CNTN5: variants seen among roughly 807,000 people sequenced by gnomAD.
CNTN5 encodes contactin 5, also known as contactin-5.
In CNTN5, 77 loss-of-function variants were observed where a neutral mutation model predicts 129.1. The ratio of observed to expected loss-of-function variants is 0.60; its 90% CI spans 0.50 to 0.72. The LOEUF (loss-of-function observed/expected upper bound fraction) is 0.72. Among genes scored for constraint, CNTN5 ranks in the 30% least tolerant of loss-of-function variants. The probability of loss-of-function intolerance (pLI) is 0.00; values close to 1 mark genes in which losing one functional copy is unlikely to be tolerated. For synonymous variants in CNTN5, 509 were observed against 465.6 expected (o/e 1.09, Z -1.20); for missense variants, 1,478 against 1,328.8 (o/e 1.11, Z -1.75).
chr11:99,314,980 G>C (rs1865280458), intron 1 of CNTN5, among the ~76,000 whole-genome samples: 1 of 149,028 alleles, frequency 6.7e-6, no homozygotes, highest in Non-Finnish European at 1.5e-5. Context: ...TTGACATTCT[G>C]TGTTTTTAAC....
chr11:99,629,656 A>G (rs1951265586), intron 3 of CNTN5, among the ~76,000 whole-genome samples: 1 of 129,562 alleles, frequency 7.7e-6, no homozygotes, highest in South Asian at 2.5e-4. Flanking sequence ...TGTACATATA[A>G]TTTTAAAAAA....
At chr11:99,817,774 T>G (rs1370300881) in intron 3 of CNTN5, among the ~76,000 whole-genome samples, 1 of 152,112 alleles carries the variant, frequency 6.6e-6, no homozygotes, top group Non-Finnish European at 1.5e-5. Flanking sequence ...AACTTGCATT[T>G]AATTCCATGT....
intron 7 of CNTN5, among the ~76,000 whole-genome samples, chr11:99,942,862 C>T (rs1950470696): frequency 1.3e-5 from 2 of 151,830 alleles, no homozygotes; most frequent in African/African-American, 4.8e-5. Context: ...TGAACTCATT[C>T]TTTTTTATGG....
At chr11:100,250,621 A>G (rs1267784764) in intron 16 of CNTN5, among the ~76,000 whole-genome samples, 1 of 152,146 alleles carries the variant, frequency 6.6e-6, no homozygotes, top group East Asian at 1.9e-4. Context: ...CACAATCAGT[A>G]CCTTGGTTAT....
At chr11:99,733,490 T>A (rs1473953046) in intron 3 of CNTN5, among the ~76,000 whole-genome samples, 2 of 151,996 alleles carry the variant, frequency 1.3e-5, no homozygotes, top group Non-Finnish European at 2.9e-5. Context: ...GGAGGGTCTA[T>A]GGAAACTGAA....
intron 2 of CNTN5, among the ~76,000 whole-genome samples, chr11:99,545,876 C>A (rs1393800485): frequency 1.3e-5 from 2 of 152,188 alleles, no homozygotes; most frequent in Non-Finnish European, 2.9e-5. Context: ...TCTCTCCCTG[C>A]ACGTAGCCAG....
At chr11:100,118,579 G>A (rs1449765787) in intron 13 of CNTN5, among the ~76,000 whole-genome samples, 2 of 151,868 alleles carry the variant, frequency 1.3e-5, no homozygotes, top group African/African-American at 2.4e-5. Flanking sequence ...GCTGTACAGA[G>A]TTAATGAGGA....
chr11:99,782,344 A>G (rs898524639), intron 3 of CNTN5, among the ~76,000 whole-genome samples: 1 of 149,470 alleles, frequency 6.7e-6, no homozygotes, highest in Non-Finnish European at 1.5e-5. Context: ...AAACAAATGG[A>G]AGAACATTCC....
intron 18 of CNTN5, among the ~76,000 whole-genome samples, chr11:100,282,029 C>T (rs1489028675): frequency 7.2e-6 from 1 of 138,518 alleles, no homozygotes; most frequent in Non-Finnish European, 1.5e-5. Context: ...TTCCTCATAA[C>T]AGCTATTTTG....
At chr11:99,292,400 A>G (rs17660979) in intron 1 of CNTN5, among the ~76,000 whole-genome samples, 14,775 of 152,108 alleles carry the variant, frequency 0.097, 755 homozygotes, top group South Asian at 0.14. Flanking sequence ...AGGAAAGACC[A>G]CTTATGTGTA....
At chr11:99,333,947 C>T (rs962066056) in intron 2 of CNTN5, among the ~76,000 whole-genome samples, 1 of 136,598 alleles carries the variant, frequency 7.3e-6, no homozygotes, top group Admixed American at 7.8e-5. Context: ...TGATTATCAA[C>T]TCATCAACTT....
At chr11:100,008,655 A>G (rs1591045650) in intron 9 of CNTN5, among the ~76,000 whole-genome samples, 3 of 152,218 alleles carry the variant, frequency 2.0e-5, no homozygotes, top group Middle Eastern at 3.4e-3. Context: ...AACATACACT[A>G]TGGACCTTGA....
At chr11:99,281,965 T>A (rs1449351025) in intron 1 of CNTN5, among the ~76,000 whole-genome samples, 1 of 151,994 alleles carries the variant, frequency 6.6e-6, no homozygotes, top group African/African-American at 2.4e-5. Context: ...AAGCTTCTAC[T>A]TTTATCAAGC....
intron 8 of CNTN5, among the ~76,000 whole-genome samples, chr11:99,962,159 A>C (rs1839461908): frequency 6.6e-6 from 1 of 152,134 alleles, no homozygotes; most frequent in African/African-American, 2.4e-5. Context: ...TTTTTATTCA[A>C]AAACTGTTTT....
At chr11:100,087,853 G>A (rs1346850578) in intron 13 of CNTN5, among the ~76,000 whole-genome samples, 1 of 151,464 alleles carries the variant, frequency 6.6e-6, no homozygotes, top group Non-Finnish European at 1.5e-5. Context: ...ACACTTCCAA[G>A]ATCTACCACA....
intron 1 of CNTN5, among the ~76,000 whole-genome samples, chr11:99,092,796 A>G (rs916114167): frequency 3.9e-5 from 6 of 152,106 alleles, no homozygotes; most frequent in African/African-American, 1.4e-4. Flanking sequence ...GGTGCAGAAA[A>G]TATATACAAA....
At chr11:100,306,651 T>G (rs1358337292) in intron 20 of CNTN5, among the ~76,000 whole-genome samples, 1 of 151,726 alleles carries the variant, frequency 6.6e-6, no homozygotes, top group Non-Finnish European at 1.5e-5. Context: ...TTCTTTCATT[T>G]ACTTGCAAAA....
chr11:99,443,719 G>T (rs1223537170), intron 2 of CNTN5, among the ~76,000 whole-genome samples: 1 of 152,144 alleles, frequency 6.6e-6, no homozygotes, highest in East Asian at 1.9e-4. Context: ...GTATCAGGTG[G>T]TTTTCTAGGA....
chr11:99,381,084 A>C (rs1940528730), intron 2 of CNTN5, among the ~76,000 whole-genome samples: 1 of 152,182 alleles, frequency 6.6e-6, no homozygotes, highest in Admixed American at 6.5e-5. Context: ...TATGGTGCCC[A>C]AGTTTACAAC....
Sources: gnomAD v4.1 joint callset for allele counts (sites outside exome capture counted in the v4.1 genomes callset) on GRCh38, gnomAD v4.1.1 for gene constraint, MANE v1.5 for transcripts, NCBI Gene and HGNC (gene_info 2026-07-23, HGNC 2026-07-21) for gene names.